The following PDE4A variants were observed in gnomAD, a reference collection of about 807,000 sequenced individuals.
PDE4A encodes the protein 3',5'-cyclic-AMP phosphodiesterase 4A.
In PDE4A, 21 loss-of-function variants were observed where a neutral mutation model predicts 73.9. The observed-to-expected ratio is 0.28, with a 90% CI of 0.20 to 0.41. The LOEUF is 0.41. PDE4A is among the 10% of genes least tolerant of loss of function. The probability of loss-of-function intolerance (pLI) is 1.00; values close to 1 mark genes in which losing one functional copy is unlikely to be tolerated. For synonymous variants in PDE4A, 463 were observed against 505.4 expected, an observed-to-expected ratio of 0.92 and a Z score of 1.13; for missense variants, 958 against 1,211.4, an observed-to-expected ratio of 0.79 and a Z score of 3.10.
In PDE4A at chr19:10,453,722, C is replaced by A. The variant is rs2043129914; in HGVS notation, c.784-1107C>A. On this transcript the variant is annotated intron_variant, in intron 6 of 14. Coordinates refer to ENST00000380702, the MANE Select transcript of PDE4A (RefSeq NM_001111307.2). This position sits in a 1 kb window ranked among gnomAD's most constrained non-coding sequence, Gnocchi z 4.6. The stretch of plus-strand genomic sequence containing the variant: ...CCTGATATTTTGGGGACATGTGACC[C>A]CAAATGTCAGTGACCGCCTTATTTT... Among the ~76,000 whole-genome samples, 1 of 152,044 alleles carries A rather than the reference C, an allele frequency of 6.6e-6. No individual in the cohort carries two copies. The highest frequency in any genetic ancestry group is 6.6e-5 in the Admixed American group (1 of 15,244).
At chr19:10,464,019 C>A (rs2043323466) in intron 14 of PDE4A, 44 bp downstream of exon 14, 1 of 1,610,202 alleles carries the variant, frequency 6.2e-7, no homozygotes, top group Non-Finnish European at 8.5e-7. Context: ...GGTGAGTCTC[C>A]CCAGCCCATC....
intron 6 of PDE4A, 86 bp downstream of exon 6, chr19:10,451,027 G>T: frequency 7.6e-7 from 1 of 1,320,906 alleles, no homozygotes; most frequent in Non-Finnish European, 1.1e-6. Context: ...GGGACCAGTG[G>T]GCGCGGCCTG....
In PDE4A at chr19:10,469,465, G is replaced by T. The variant is rs2043440577; in HGVS notation, c.*1844G>T. 6.6e-6 allele frequency: 1 copy of T among 152,354 alleles called. No homozygotes were observed. Among genetic ancestry groups the T allele is most frequent in the Non-Finnish European group, 1.5e-5 (1 of 68,100 alleles). 9.4% of individuals were successfully genotyped at this position (152,354 alleles called of 1,614,324 possible). On this transcript the variant is annotated 3_prime_UTR_variant, in exon 15 of 15. Transcript: ENST00000380702. ...CTCCCCCCTTCTCCAGGAGCCAGGGGGTGACTGGAGAGACAGACCCACCCC... is the reference window on the plus strand; with the variant it reads ...CTCCCCCCTTCTCCAGGAGCCAGGGTGTGACTGGAGAGACAGACCCACCCC...
At chr19:10,421,696 A>G (rs528480560) in intron 1 of PDE4A, among the ~76,000 whole-genome samples, 1 of 152,112 alleles carries the variant, frequency 6.6e-6, no homozygotes, top group African/African-American at 2.4e-5. Flanking sequence ...CAAGAGTGTT[A>G]GCGTTAAGTA....
chr19:10,451,108 G>A (rs900672598), intron 6 of PDE4A, among the ~76,000 whole-genome samples, 167 bp downstream of exon 6: 6 of 151,984 alleles, frequency 3.9e-5, no homozygotes, highest in East Asian at 1.9e-4. Flanking sequence ...TTAGGGCAGG[G>A]CCAATCCCTG....
At chr19:10,426,342 G>C (rs77404078) in intron 1 of PDE4A, among the ~76,000 whole-genome samples, 20,555 of 152,112 alleles carry the variant, frequency 0.14, 1,533 homozygotes, top group South Asian at 0.21. Context: ...CCAACCCGTG[G>C]CCCAGGATGG....
intron 13 of PDE4A, 40 bp downstream of exon 13, chr19:10,462,039 C>T (rs1179385987): frequency 1.9e-6 from 3 of 1,560,690 alleles, no homozygotes; most frequent in Non-Finnish European, 8.8e-7. Context: ...GAGGACACTC[C>T]CCCAGCCACA....
chr19:10,441,684 ATT>A (rs1308151510), intron 1 of PDE4A, among the ~76,000 whole-genome samples: 138 of 92,682 alleles, frequency 1.5e-3, no homozygotes, highest in Non-Finnish European at 2.3e-3. Flanking sequence ...ATTTTGAGTT[ATT>A]TTTTTTTTTT....
At position 10,429,005 on chromosome 19, in the gene PDE4A, T is replaced by G. The variant is rs1470243063; in HGVS notation, c.320+7921T>G. 7.2e-6 allele frequency: 3 copies of G among 416,806 alleles called. No homozygotes were observed. In the Admixed American group the frequency reaches 1.9e-4, roughly 27 times the overall value. The allele number at this position is 416,806 out of a possible 1,614,324, so 25.8% of individuals were successfully genotyped here. A position where few individuals can be genotyped will look rare whatever the true frequency, so the allele number is the denominator to read the frequency against. ...CTGTAATCCCAGCTACTTGGGAGGC[T>G]GAGGCACGAGAATCCTTTGAACCTA... On this transcript the variant is annotated intron_variant, in intron 1 of 14. Coordinates refer to ENST00000380702, the MANE Select transcript of PDE4A (RefSeq NM_001111307.2).
At chr19:10,461,367 G>C in intron 11 of PDE4A, 159 bp from the exon 12 acceptor site, 2 of 978,634 alleles carry the variant, frequency 2.0e-6, no homozygotes, top group Non-Finnish European at 2.4e-6. Flanking sequence ...GGGGCTGGCT[G>C]GGCTGGAAAG....
Position 10,457,973 on chromosome 19 carries a change from C to G in PDE4A, c.972C>G (p.Pro324=), listed in dbSNP as rs1280123469. ...PRPRPSQPPP[P]PVPHLQPMSQ... is the part of the protein sequence containing the mutation. ...CAAGACCCTCCCAGCCGCCCCCGCCCCCTGTACCACACTTACAGCCCATGT... is the reference window on the plus strand; with the variant it reads ...CAAGACCCTCCCAGCCGCCCCCGCCGCCTGTACCACACTTACAGCCCATGT... The change falls in exon 8 of 15, where the codon CCC becomes CCG. Residue 324 remains proline (P), a synonymous_variant. Transcript: ENST00000380702. 6.2e-7 allele frequency: 1 copy of G among 1,613,936 alleles called. No individual in the cohort carries two copies. The highest frequency in any genetic ancestry group is 2.2e-5 in the East Asian group (1 of 44,882).
rs201445595 is a variant in PDE4A at position 10,468,782 on chromosome 19, C to T, written c.*1161C>T. On this transcript the variant is annotated 3_prime_UTR_variant, in exon 15 of 15. Coordinates refer to ENST00000380702, the MANE Select transcript of PDE4A (RefSeq NM_001111307.2). ...CCCTGGCACCAAAATAATTTCTCCT[C>T]CATCCGTACCTTGCCTAGCCTCTCC... is the stretch of plus-strand genomic sequence containing the variant. The T allele has an allele frequency of 2.0e-5, 3 of 153,230 alleles. No individual in the cohort carries two copies. Among genetic ancestry groups the T allele is most frequent in the African/African-American group, 7.2e-5 (3 of 41,418 alleles). The allele number at this position is 153,230 out of a possible 1,614,324, so 9.5% of individuals were successfully genotyped here. A position where few individuals can be genotyped will look rare whatever the true frequency, so the allele number is the denominator to read the frequency against.
Position 10,461,667 on chromosome 19 carries a change from T to C in PDE4A, c.1607T>C (p.Met536Thr), listed in dbSNP as rs761177326. 1 of 1,228,436 alleles carries C rather than the reference T, an allele frequency of 8.1e-7. No homozygotes were observed. The highest frequency in any genetic ancestry group is 1.2e-5 in the South Asian group (1 of 83,516). The allele number at this position is 1,228,436 out of a possible 1,614,324, so 76.1% of individuals were successfully genotyped here. A position where few individuals can be genotyped will look rare whatever the true frequency, so the allele number is the denominator to read the frequency against. Residue 536 changes from methionine to threonine, a missense_variant, in exon 12 of 15, where the codon ATG (methionine) becomes ACG (threonine). By Grantham distance (81) the Met-to-Thr change is moderately conservative. This residue lies in a region of PDE4A where 570 missense variants were observed against 827.7 expected (regional missense o/e 0.69). Coordinates refer to ENST00000380702, the MANE Select transcript of PDE4A (RefSeq NM_001111307.2). ...SKRQRQSLRKMVIDMVLATDM... is the reference protein window; with the variant it reads ...SKRQRQSLRKTVIDMVLATDM... ...CGCCAGCGGCAGAGCCTACGCAAGA[T>C]GGTCATCGACATGGTGGGCGGGGCT...
At chr19:10,441,681 G>GTTTTTTTTTTTTTTTTTTT (rs1200442230) in intron 1 of PDE4A, among the ~76,000 whole-genome samples, 1 of 131,744 alleles carries the variant, frequency 7.6e-6, no homozygotes, top group Non-Finnish European at 1.6e-5. Flanking sequence ...GTCATTTTGA[G>GTTTTTTTTTTTTTTTTTTT]TTATTTTTTT....
At chr19:10,450,785 C>T (rs1004571834) in intron 5 of PDE4A, 44 bp from the exon 6 acceptor site, 1 of 1,581,320 alleles carries the variant, frequency 6.3e-7, no homozygotes, top group African/African-American at 1.3e-5. Context: ...TGGGCTTCTG[C>T]CTACAGACCT....
chr19:10,429,279 G>GAAGAAAGA lies in PDE4A; in HGVS notation c.320+8212_320+8219dup, dbSNP rs201177635. Among the ~76,000 whole-genome samples, 419 of 120,346 alleles carry GAAGAAAGA rather than the reference G, an allele frequency of 3.5e-3. 2 individuals are homozygous for GAAGAAAGA. The highest frequency in any genetic ancestry group is 0.013 in the Middle Eastern group (3 of 224). The allele number at this position is 120,346 out of a possible 152,430, so 79.0% of individuals were successfully genotyped here. A position where few individuals can be genotyped will look rare whatever the true frequency, so the allele number is the denominator to read the frequency against. The stretch of plus-strand genomic sequence containing the variant: ...AAAGGAAAGGAAAGAAGGAAGGAAG[G>GAAGAAAGA]AAGAAAGAAAGAAAGAAAGAAAGAG... On this transcript the variant is annotated intron_variant, in intron 1 of 14. Coordinates refer to ENST00000380702, the MANE Select transcript of PDE4A (RefSeq NM_001111307.2).
intron 2 of PDE4A, among the ~76,000 whole-genome samples, chr19:10,447,217 C>CTT (rs34169084): frequency 1.1e-3 from 64 of 59,216 alleles, no homozygotes; most frequent in East Asian, 1.3e-3. Flanking sequence ...CTTTTTTTCT[C>CTT]TTTTTTTTTT....
In PDE4A at chr19:10,461,014, C is replaced by T. The variant is rs756273712; in HGVS notation, c.1376C>T (p.Thr459Met). ...TGTCTCTGCTCCCAGGCAGTGTTCA[C>T]GGACCTGGAGATTCTCGCCGCCCTC... ...LATPALDAVF[T>M]DLEILAALFA... Residue 459 changes from threonine (T) to methionine (M), a missense_variant, in exon 11 of 15, where the codon ACG becomes ATG. Around this residue, in one of 3 missense-constraint regions of PDE4A, gnomAD observed 570 missense variants for 827.7 expected, o/e 0.69. Transcript: ENST00000380702. 5.6e-6 allele frequency: 9 copies of T among 1,612,936 alleles called. No homozygotes were observed. The East Asian group carries it at 1.1e-4, about 20-fold the overall frequency.
chr19:10,462,086 CCT>C, intron 13 of PDE4A, 87 bp downstream of exon 13: 2 of 1,068,038 alleles, frequency 1.9e-6, no homozygotes, highest in Non-Finnish European at 1.4e-6. Flanking sequence ...CCTTCCTCAG[CCT>C]CTTTCTCCCA....
Sources: gnomAD v4.1 joint callset for allele counts (sites outside exome capture counted in the v4.1 genomes callset) on GRCh38, gnomAD v4.1.1 for gene constraint, gnomAD v4.1.1 regional missense constraint, Gnocchi (gnomAD v3.1) non-coding constraint, MANE v1.5 for transcripts, NCBI Gene and HGNC (gene_info 2026-07-23, HGNC 2026-07-21) for gene names.